The following MDM1 variants were observed in gnomAD, a reference collection of about 807,000 sequenced individuals.
MDM1 encodes stabilizer of axonemal microtubules 6.
In MDM1, 61 loss-of-function variants were observed where a neutral mutation model predicts 89.1. The observed-to-expected ratio is 0.68, with a 90% CI of 0.56 to 0.85. The LOEUF (loss-of-function observed/expected upper bound fraction) is 0.85, where lower values mean the gene tolerates loss of function less well. MDM1 is among the 40% of genes least tolerant of loss of function. The pLI is 0.00. For synonymous variants in MDM1, 290 were observed against 294.1 expected, an observed-to-expected ratio of 0.99 and a Z score of 0.14; for missense variants, 820 against 846.5, an observed-to-expected ratio of 0.97 and a Z score of 0.39.
At chr12:68,308,127 CTT>C (rs774192759) in intron 12 of MDM1, among the ~76,000 whole-genome samples, 24 of 138,800 alleles carry the variant, frequency 1.7e-4, no homozygotes, top group Middle Eastern at 3.9e-3. Context: ...GCTGTTCCTT[CTT>C]TTTTTTTTTT....
chr12:68,314,737 T>C (rs1874223254), intron 10 of MDM1, among the ~76,000 whole-genome samples: 1 of 152,184 alleles, frequency 6.6e-6, no homozygotes. Flanking sequence ...TAGGCCAGAA[T>C]TCAAGTATTC....
chr12:68,325,233 AT>A (rs969952037), intron 4 of MDM1: 115 of 1,171,220 alleles, frequency 9.8e-5, no homozygotes, highest in Non-Finnish European at 1.2e-4. Context: ...TCTGGCAACA[AT>A]GATCATCAGA....
chr12:68,297,898 C>T (rs935507585), intron 13 of MDM1, among the ~76,000 whole-genome samples: 4 of 152,156 alleles, frequency 2.6e-5, no homozygotes, highest in Non-Finnish European at 5.9e-5. Flanking sequence ...AAAAAACTAA[C>T]AGACGGCATG....
At chr12:68,325,997 G>A in intron 3 of MDM1, 2 of 993,480 alleles carry the variant, frequency 2.0e-6, no homozygotes, top group Non-Finnish European at 2.4e-6. Flanking sequence ...TTTTCAACAA[G>A]CTACAGATTC....
At chr12:68,302,412 T>G (rs2120784876) in intron 13 of MDM1, among the ~76,000 whole-genome samples, 1 of 152,300 alleles carries the variant, frequency 6.6e-6, no homozygotes, top group Non-Finnish European at 1.5e-5. Flanking sequence ...GAGAGATATC[T>G]CACACATATA....
At chr12:68,309,570 C>G (rs966303819) in intron 12 of MDM1, among the ~76,000 whole-genome samples, 1 of 152,106 alleles carries the variant, frequency 6.6e-6, no homozygotes, top group African/African-American at 2.4e-5. Flanking sequence ...GTGGGTAAAT[C>G]TGCTAAATGA....
chr12:68,313,527 A>G lies in MDM1; in HGVS notation c.1665T>C (p.Ser555=). The G allele has an allele frequency of 6.2e-7, 1 of 1,614,010 alleles. No individual in the cohort carries two copies. Among genetic ancestry groups the G allele is most frequent in the Non-Finnish European group, 8.5e-7 (1 of 1,179,860 alleles). The change falls in exon 12 of 15, where the codon TCT becomes TCC. Residue 555 remains serine, a synonymous_variant. Coordinates refer to ENST00000682720, the MANE Select transcript of MDM1 (RefSeq NM_001354969.2). ...AVGGAVLVSP[S]KMKPPAPEQR... The stretch of plus-strand genomic sequence containing the variant: ...GTTCTGGGGCTGGAGGCTTCATCTT[A>G]GATGGAGACACTAAAACAGCACCAC...
Position 68,313,668 on chromosome 12 carries a change from G to C in MDM1, c.1615C>G (p.His539Asp), listed in dbSNP as rs898700520. The C allele has an allele frequency of 4.3e-6, 7 of 1,614,002 alleles. No individual in the cohort carries two copies. The highest frequency in any genetic ancestry group is 1.1e-5 in the South Asian group (1 of 91,086). The change falls in exon 11 of 15, where the codon CAT (histidine) becomes GAT (aspartate). Residue 539 changes from histidine to aspartate, a missense_variant. By Grantham distance (81) the His-to-Asp change is moderately conservative. Coordinates refer to ENST00000682720, the MANE Select transcript of MDM1 (RefSeq NM_001354969.2). The part of the protein sequence containing the change: ...RELGGIQRTH[H>D]DLTTPAVGGA... ...CCAACAGCTGGAGTAGTGAGATCATGATGAGTCCTCTGGATTCCACCAAGT... is the reference window on the plus strand; with the variant it reads ...CCAACAGCTGGAGTAGTGAGATCATCATGAGTCCTCTGGATTCCACCAAGT...
chr12:68,313,400 A>G (rs1873971132), intron 12 of MDM1, 43 bp downstream of exon 12: 2 of 1,321,000 alleles, frequency 1.5e-6, no homozygotes, highest in Admixed American at 3.5e-5. Context: ...GTCTACAATA[A>G]TTAGTCCTAG....
intron 3 of MDM1, chr12:68,325,985 C>T: frequency 1.0e-6 from 1 of 993,372 alleles, no homozygotes; most frequent in Non-Finnish European, 1.2e-6. Context: ...TCACCCCCAG[C>T]TTTTTCAACA....
At chr12:68,326,416 C>A (rs1875983418) in intron 3 of MDM1, 2 of 1,449,712 alleles carry the variant, frequency 1.4e-6, no homozygotes, top group Non-Finnish European at 1.8e-6. Flanking sequence ...AATCCAGACG[C>A]AGGAGGTCCA....
At chr12:68,303,315 C>T (rs1476193341) in intron 12 of MDM1, among the ~76,000 whole-genome samples, 3 of 152,154 alleles carry the variant, frequency 2.0e-5, no homozygotes, top group African/African-American at 2.4e-5. Flanking sequence ...TAATTTTTCA[C>T]GTACCAAATT....
chr12:68,313,229 C>A (rs556210234), intron 12 of MDM1, among the ~76,000 whole-genome samples: 9 of 152,298 alleles, frequency 5.9e-5, no homozygotes, highest in African/African-American at 2.2e-4. Flanking sequence ...CCTATTGAGT[C>A]ACTACTGACA....
rs1876984568 is a variant in MDM1 at position 68,332,343 on chromosome 12, C to T, written c.-98G>A. ...ACAGTGTTCCCTAGCAAAGCCTCGGCCCGGCGTCCCCGACTACGCGCCGGC... is the reference window on the plus strand; with the variant it reads ...ACAGTGTTCCCTAGCAAAGCCTCGGTCCGGCGTCCCCGACTACGCGCCGGC... On this transcript the variant is annotated 5_prime_UTR_variant, in exon 1 of 15. Coordinates refer to ENST00000682720, the MANE Select transcript of MDM1 (RefSeq NM_001354969.2). 2.1e-6 allele frequency: 3 copies of T among 1,397,646 alleles called. No homozygotes were observed. The highest frequency in any genetic ancestry group is 2.9e-6 in the Non-Finnish European group (3 of 1,047,488). The allele number at this position is 1,397,646 out of a possible 1,614,324, so 86.6% of individuals were successfully genotyped here. A position where few individuals can be genotyped will look rare whatever the true frequency, so the allele number is the denominator to read the frequency against.
At chr12:68,296,366 C>T (rs370338083) in intron 14 of MDM1, among the ~76,000 whole-genome samples, 4 of 152,216 alleles carry the variant, frequency 2.6e-5, no homozygotes, top group African/African-American at 7.2e-5. Context: ...GGTGTGGTAG[C>T]GGATGCCTGT....
intron 9 of MDM1, 52 bp from the exon 10 acceptor site, chr12:68,315,317 A>G: frequency 1.3e-6 from 2 of 1,516,840 alleles, no homozygotes; most frequent in Non-Finnish European, 1.8e-6. Context: ...GCACTTTTCT[A>G]ATCAACACCA....
intron 12 of MDM1, among the ~76,000 whole-genome samples, chr12:68,306,131 T>A (rs1872850459): frequency 6.6e-6 from 1 of 151,940 alleles, no homozygotes; most frequent in African/African-American, 2.4e-5. Context: ...TATCTGATCT[T>A]TAACAAAGAT....
intron 3 of MDM1, 118 bp downstream of exon 3, chr12:68,326,539 T>G (rs753745989): frequency 6.2e-7 from 1 of 1,604,850 alleles, no homozygotes; most frequent in Non-Finnish European, 8.5e-7. Flanking sequence ...CTTATAGACA[T>G]TAGACAAGAA....
rs139440079 is a variant in MDM1, at chr12:68,308,901, C to T, written c.1749+4542G>A. 1.1e-3 allele frequency among the ~76,000 whole-genome samples: 166 copies of T among 152,312 alleles called. 1 individual carries two copies. The highest frequency in any genetic ancestry group is 3.8e-3 in the African/African-American group (157 of 41,558). Reference sequence around the variant, plus strand: ...GTCTCTCATCCATTATCCAACCCAGCATCAACCTTAACATTGTTCCCCTTA... The same window carrying T: ...GTCTCTCATCCATTATCCAACCCAGTATCAACCTTAACATTGTTCCCCTTA... On this transcript the variant is annotated intron_variant, in intron 12 of 14. Transcript: ENST00000682720.
Sources: gnomAD v4.1 joint callset for allele counts (sites outside exome capture counted in the v4.1 genomes callset) on GRCh38, gnomAD v4.1.1 for gene constraint, MANE v1.5 for transcripts, NCBI Gene and HGNC (gene_info 2026-07-23, HGNC 2026-07-21) for gene names.